NBEA: variants seen among roughly 807,000 people sequenced by gnomAD.
NBEA encodes neurobeachin, also known as lysosomal-trafficking regulator 2.
Under a neutral mutation model 343.4 loss-of-function variants are expected in NBEA, and 44 were observed. That is an observed-to-expected ratio of 0.13 (90% CI 0.10 to 0.16). NBEA has a LOEUF of 0.16. Ranked by LOEUF, NBEA falls within the 10% of genes least tolerant of loss-of-function variation. NBEA has a pLI of 1.00. For missense variants in NBEA, 2,555 were observed against 3,631.3 expected, an observed-to-expected ratio of 0.70 and a Z score of 7.62; for synonymous variants, 1,175 against 1,238.7, an observed-to-expected ratio of 0.95 and a Z score of 1.08.
At chr13:35,639,707 T>G (rs542479440) in intron 49 of NBEA, among the ~76,000 whole-genome samples, 1 of 152,188 alleles carries the variant, frequency 6.6e-6, no homozygotes, top group African/African-American at 2.4e-5. Flanking sequence ...TCTTGAATTT[T>G]CTGAAAATTG....
At chr13:35,452,287 C>G (rs2046347352) in intron 40 of NBEA, 52 bp downstream of exon 40, 1 of 1,383,734 alleles carries the variant, frequency 7.2e-7, no homozygotes, top group Non-Finnish European at 9.9e-7. Context: ...CACAAAGCTA[C>G]TGAATTCAAA....
At chr13:35,343,069 C>G (rs2039676143) in intron 36 of NBEA, among the ~76,000 whole-genome samples, 1 of 151,894 alleles carries the variant, frequency 6.6e-6, no homozygotes, top group South Asian at 2.1e-4. Context: ...AAAAATATAT[C>G]CTGGGCACTA....
intron 36 of NBEA, among the ~76,000 whole-genome samples, chr13:35,328,313 A>T (rs796162541): frequency 3.6e-4 from 55 of 151,998 alleles, no homozygotes; most frequent in African/African-American, 1.3e-3. Flanking sequence ...TTAAAAATAT[A>T]CAAAAGACTC....
At chr13:35,359,411 A>G (rs543596591) in intron 38 of NBEA, among the ~76,000 whole-genome samples, 67 of 152,304 alleles carry the variant, frequency 4.4e-4, no homozygotes, top group Admixed American at 8.5e-4. Context: ...CTTCCTAAGC[A>G]TAGGAATTGA....
At chr13:35,535,836 A>C (rs2078512671) in intron 41 of NBEA, among the ~76,000 whole-genome samples, 2 of 152,194 alleles carry the variant, frequency 1.3e-5, no homozygotes, top group African/African-American at 4.8e-5. Context: ...AGTCTACAAA[A>C]CTAAGTGCTA....
At chr13:35,128,149 T>G (rs1252073503) in intron 17 of NBEA, among the ~76,000 whole-genome samples, 1 of 149,512 alleles carries the variant, frequency 6.7e-6, no homozygotes, top group Non-Finnish European at 1.5e-5. Context: ...GATGAGTTAG[T>G]GGGTGCAGCG....
chr13:35,152,516 T>G (rs1203102197), intron 18 of NBEA, among the ~76,000 whole-genome samples: 1 of 152,136 alleles, frequency 6.6e-6, no homozygotes, highest in East Asian at 1.9e-4. Flanking sequence ...TACTACAAAA[T>G]TTATGCATGA....
chr13:35,257,773 C>T (rs926652022), intron 34 of NBEA, among the ~76,000 whole-genome samples: 1 of 152,092 alleles, frequency 6.6e-6, no homozygotes. Context: ...CCATTTGTCC[C>T]TGTGCAAACA....
At chr13:35,406,110 A>G (rs1361142472) in intron 38 of NBEA, among the ~76,000 whole-genome samples, 1 of 152,184 alleles carries the variant, frequency 6.6e-6, no homozygotes, top group East Asian at 1.9e-4. Flanking sequence ...TTGTGGTAAT[A>G]GAGAGCTTAT....
intron 41 of NBEA, among the ~76,000 whole-genome samples, chr13:35,523,231 A>G (rs1180643874): frequency 3.3e-5 from 5 of 152,080 alleles, no homozygotes; most frequent in Non-Finnish European, 7.4e-5. Context: ...GATTGATATT[A>G]TTTTCACTGT....
intron 40 of NBEA, among the ~76,000 whole-genome samples, chr13:35,467,987 A>T (rs2152956035): frequency 6.6e-6 from 1 of 152,120 alleles, no homozygotes; most frequent in Admixed American, 6.5e-5. Flanking sequence ...TTCCATACGT[A>T]GTCTTTGCTG....
At chr13:35,444,499 T>A (rs2045896201) in intron 39 of NBEA, among the ~76,000 whole-genome samples, 1 of 151,992 alleles carries the variant, frequency 6.6e-6, no homozygotes, top group Non-Finnish European at 1.5e-5. Context: ...TTCGTCAAAA[T>A]ACATTGAACA....
At chr13:35,406,963 C>CTTTT (rs551559932) in intron 38 of NBEA, among the ~76,000 whole-genome samples, 88 of 136,754 alleles carry the variant, frequency 6.4e-4, no homozygotes, top group Non-Finnish European at 1.2e-3. Context: ...TTTCTTTGCT[C>CTTTT]TTTTTTTTTT....
intron 34 of NBEA, among the ~76,000 whole-genome samples, chr13:35,276,792 AC>A (rs1319152939): frequency 9.2e-5 from 14 of 152,242 alleles, no homozygotes; most frequent in Middle Eastern, 3.2e-3. Flanking sequence ...ACTATAAGAT[AC>A]TAGCCTGAGT....
chr13:35,084,051 T>A (rs532911257), intron 10 of NBEA, among the ~76,000 whole-genome samples: 1 of 152,222 alleles, frequency 6.6e-6, no homozygotes, highest in African/African-American at 2.4e-5. Flanking sequence ...ATGCACCCAA[T>A]ACAGGAGCAC....
intron 8 of NBEA, among the ~76,000 whole-genome samples, chr13:35,061,232 A>G (rs191790360): frequency 1.1e-4 from 17 of 151,858 alleles, no homozygotes; most frequent in Admixed American, 1.1e-3. Flanking sequence ...TTTATCAGTA[A>G]ATATTCTGTA....
intron 38 of NBEA, among the ~76,000 whole-genome samples, chr13:35,423,802 T>C (rs1390571810): frequency 4.6e-5 from 7 of 152,196 alleles, no homozygotes; most frequent in Non-Finnish European, 8.8e-5. Context: ...TTCTTCCATT[T>C]GTTTGTATCC....
intron 38 of NBEA, among the ~76,000 whole-genome samples, chr13:35,358,717 C>CAAA (rs200811266): frequency 4.0e-4 from 58 of 144,708 alleles, no homozygotes; most frequent in African/African-American, 1.4e-3. Flanking sequence ...GACTCTGTCT[C>CAAA]AAAAAAAAAA....
chr13:35,644,636 T>G (rs535742029), intron 49 of NBEA, among the ~76,000 whole-genome samples: 109 of 152,310 alleles, frequency 7.2e-4, no homozygotes, highest in African/African-American at 2.2e-3. Flanking sequence ...AGAGAGACGT[T>G]TAGCTGTTCA....
Sources: gnomAD v4.1 joint callset for allele counts (sites outside exome capture counted in the v4.1 genomes callset) on GRCh38, gnomAD v4.1.1 for gene constraint, MANE v1.5 for transcripts, NCBI Gene and HGNC (gene_info 2026-07-23, HGNC 2026-07-21) for gene names.